The following CNTN5 variants were observed in gnomAD, a reference collection of about 807,000 sequenced individuals.
CNTN5 encodes contactin 5.
A neutral mutation model predicts 129.1 loss-of-function variants in CNTN5; 77 were observed. That is an observed-to-expected ratio of 0.60 (90% CI 0.50 to 0.72). CNTN5 has a LOEUF of 0.72. Ranked by LOEUF, CNTN5 falls within the 30% of genes least tolerant of loss-of-function variation. The pLI is 0.00. For missense variants in CNTN5, 1,478 were observed against 1,328.8 expected, an observed-to-expected ratio of 1.11 and a Z score of -1.75; for synonymous variants, 509 against 465.6, an observed-to-expected ratio of 1.09 and a Z score of -1.20.
Position 99,638,240 on chromosome 11 carries a change from C to T in CNTN5, c.55+81971C>T, listed in dbSNP as rs77000530. On this transcript the variant is annotated intron_variant, in intron 3 of 24. Transcript: ENST00000524871. ...AACCCACTGAATCTCATGAGACTTA[C>T]TATCATGAGACTAGCACGGGAAAGA... Among the ~76,000 whole-genome samples, 81 of 152,216 alleles carry T rather than the reference C, an allele frequency of 5.3e-4. No individual in the cohort carries two copies. The East Asian group carries it at 0.013, about 24-fold the overall frequency.
At chr11:99,609,360 A>C (rs1950528025) in intron 3 of CNTN5, among the ~76,000 whole-genome samples, 1 of 152,172 alleles carries the variant, frequency 6.6e-6, no homozygotes, top group Admixed American at 6.6e-5. Flanking sequence ...TATTCTGAGC[A>C]TCTGACTAAG....
chr11:100,005,366 C>A (rs1403683090), intron 9 of CNTN5, among the ~76,000 whole-genome samples: 1 of 152,052 alleles, frequency 6.6e-6, no homozygotes, highest in Admixed American at 6.6e-5. Context: ...TTGCCTCTAC[C>A]TTTTCCTACC....
intron 1 of CNTN5, among the ~76,000 whole-genome samples, chr11:99,075,600 A>T (rs1200765995): frequency 6.6e-6 from 1 of 152,220 alleles, no homozygotes; most frequent in African/African-American, 2.4e-5. Context: ...CTATTATCAA[A>T]GGAAACTTTC....
chr11:99,716,718 A>G (rs886414450), intron 3 of CNTN5, among the ~76,000 whole-genome samples: 4 of 152,084 alleles, frequency 2.6e-5, no homozygotes, highest in Non-Finnish European at 5.9e-5. Flanking sequence ...TAGAGCTCTC[A>G]ATATTTTTAA....
chr11:99,644,122 T>C (rs1951864745), intron 3 of CNTN5, among the ~76,000 whole-genome samples: 1 of 151,702 alleles, frequency 6.6e-6, no homozygotes, highest in South Asian at 2.1e-4. Flanking sequence ...CATATGCCCA[T>C]ATGCCCACTG....
intron 3 of CNTN5, among the ~76,000 whole-genome samples, chr11:99,815,572 G>T (rs1946561115): frequency 6.6e-6 from 1 of 152,088 alleles, no homozygotes; most frequent in African/African-American, 2.4e-5. Flanking sequence ...AATGCAGGGG[G>T]TTCCAGACCA....
At chr11:99,844,770 A>G (rs1192583904) in intron 4 of CNTN5, 82 bp from the exon 5 acceptor site, 3 of 1,354,352 alleles carry the variant, frequency 2.2e-6, no homozygotes, top group Non-Finnish European at 2.0e-6. Context: ...AATTTTGAAT[A>G]TAAGTAAGAT....
At chr11:99,703,150 T>A (rs1423357675) in intron 3 of CNTN5, among the ~76,000 whole-genome samples, 2 of 149,820 alleles carry the variant, frequency 1.3e-5, no homozygotes, top group Non-Finnish European at 3.0e-5. Context: ...GTATTTATAA[T>A]CTTTGAGTTT....
At chr11:100,354,544 T>A (rs1952483402) in intron 24 of CNTN5, among the ~76,000 whole-genome samples, 1 of 151,658 alleles carries the variant, frequency 6.6e-6, no homozygotes, top group South Asian at 2.1e-4. Context: ...CAAGAACACA[T>A]AAATAAATTC....
intron 14 of CNTN5, among the ~76,000 whole-genome samples, chr11:100,192,116 A>C (rs544370781): frequency 4.0e-4 from 61 of 152,196 alleles, no homozygotes; most frequent in African/African-American, 1.5e-3. Flanking sequence ...ACAAAATGTA[A>C]AATATACTTT....
intron 13 of CNTN5, among the ~76,000 whole-genome samples, chr11:100,086,002 A>C (rs12577189): frequency 1.9e-4 from 29 of 151,890 alleles, no homozygotes; most frequent in African/African-American, 7.0e-4. Flanking sequence ...AATTCAGGAC[A>C]CTTTTGGGAA....
At chr11:99,983,289 G>A (rs1239117751) in intron 8 of CNTN5, among the ~76,000 whole-genome samples, 3 of 152,156 alleles carry the variant, frequency 2.0e-5, no homozygotes, top group Admixed American at 6.5e-5. Context: ...TACAGGGAAA[G>A]GCAAAAATAT....
chr11:100,011,571 A>G (rs1940534994), intron 9 of CNTN5, among the ~76,000 whole-genome samples: 1 of 152,146 alleles, frequency 6.6e-6, no homozygotes, highest in Non-Finnish European at 1.5e-5. Context: ...GACCTTTGCA[A>G]ACTCATCTGA....
chr11:99,520,394 C>G (rs956366263), intron 2 of CNTN5, among the ~76,000 whole-genome samples: 2 of 152,066 alleles, frequency 1.3e-5, no homozygotes, highest in African/African-American at 4.8e-5. Flanking sequence ...CTAAGGTAAA[C>G]TTACATGCTT....
chr11:100,314,079 T>A (rs1951528683), intron 21 of CNTN5, among the ~76,000 whole-genome samples: 1 of 152,094 alleles, frequency 6.6e-6, no homozygotes, highest in South Asian at 2.1e-4. Context: ...TAAAGAATGG[T>A]TGGTGGAAAT....
chr11:100,038,123 C>G (rs1045438903), intron 9 of CNTN5, among the ~76,000 whole-genome samples: 4 of 152,018 alleles, frequency 2.6e-5, no homozygotes, highest in Non-Finnish European at 4.4e-5. Context: ...AAATTTCCCT[C>G]TACACACTAC....
intron 6 of CNTN5, among the ~76,000 whole-genome samples, chr11:99,851,899 C>A (rs560588994): frequency 6.6e-6 from 1 of 152,186 alleles, no homozygotes; most frequent in Non-Finnish European, 1.5e-5. Flanking sequence ...TAAAATTGAC[C>A]TTAGAGTTTA....
chr11:100,085,066 T>C (rs1274121796), intron 13 of CNTN5, among the ~76,000 whole-genome samples: 1 of 151,966 alleles, frequency 6.6e-6, no homozygotes, highest in Non-Finnish European at 1.5e-5. Flanking sequence ...TGGTGGGATA[T>C]AGGCCACTTA....
chr11:99,681,816 G>C (rs574617511), intron 3 of CNTN5, among the ~76,000 whole-genome samples: 1 of 151,820 alleles, frequency 6.6e-6, no homozygotes, highest in Admixed American at 6.6e-5. Context: ...TACCTGAAAC[G>C]ATTAACTCCA....
Sources: gnomAD v4.1 joint callset for allele counts (sites outside exome capture counted in the v4.1 genomes callset) on GRCh38, gnomAD v4.1.1 for gene constraint, MANE v1.5 for transcripts, NCBI Gene and HGNC (gene_info 2026-07-23, HGNC 2026-07-21) for gene names.